Variants in ZNF438 observed in about 807,000 individuals in gnomAD.
ZNF438 encodes zinc finger protein 438.
A neutral mutation model predicts 38.0 loss-of-function variants in ZNF438; 25 were observed. The ratio of observed to expected loss-of-function variants is 0.66; its 90% CI spans 0.48 to 0.92. The LOEUF is 0.92. ZNF438 is among the 40% of genes least tolerant of loss of function. The probability of loss-of-function intolerance (pLI) is 0.00; values close to 1 mark genes in which losing one functional copy is unlikely to be tolerated. For synonymous variants in ZNF438, 372 were observed against 364.1 expected, an observed-to-expected ratio of 1.02 and a Z score of -0.25; for missense variants, 1,007 against 999.6, an observed-to-expected ratio of 1.01 and a Z score of -0.10.
chr10:30,882,384 A>C (rs1436366718), intron 3 of ZNF438, among the ~76,000 whole-genome samples: 1 of 152,186 alleles, frequency 6.6e-6, no homozygotes, highest in African/African-American at 2.4e-5. Flanking sequence ...ACAAAAGCAA[A>C]TGTCTATACA....
At chr10:30,854,527 C>T (rs535032093) in intron 4 of ZNF438, among the ~76,000 whole-genome samples, 1 of 151,956 alleles carries the variant, frequency 6.6e-6, no homozygotes, top group Admixed American at 6.5e-5. Flanking sequence ...ATTTTGTAAA[C>T]AGTGGGGAAA....
intron 3 of ZNF438, among the ~76,000 whole-genome samples, chr10:30,905,211 C>CA (rs1474586524): frequency 3.4e-4 from 52 of 152,172 alleles, no homozygotes; most frequent in Admixed American, 2.7e-3. Context: ...GTTTTCCGAA[C>CA]AAATTTTCCA....
At chr10:30,980,617 T>C (rs894056170) in intron 1 of ZNF438, among the ~76,000 whole-genome samples, 1 of 152,198 alleles carries the variant, frequency 6.6e-6, no homozygotes, top group Non-Finnish European at 1.5e-5. Context: ...AATGGAGATG[T>C]TGAAAAGACA....
At chr10:30,876,631 ATTC>A (rs1354232578) in intron 4 of ZNF438, among the ~76,000 whole-genome samples, 1 of 152,160 alleles carries the variant, frequency 6.6e-6, no homozygotes, top group Non-Finnish European at 1.5e-5. Flanking sequence ...ATATGCATAT[ATTC>A]TTCTACTCAC....
In ZNF438 at chr10:30,856,238, A is replaced by G. The variant is rs138000494; in HGVS notation, c.38-5871T>C. ...GCATAACTATCCACCAAAGTTAAGC[A>G]CTGAGAAGTATTAGAGCTCATTACC... On this transcript the variant is annotated intron_variant, in intron 4 of 5. Coordinates refer to ENST00000413025, the Ensembl canonical transcript of ZNF438. 3.3e-4 allele frequency among the ~76,000 whole-genome samples: 51 copies of G among 152,332 alleles called. 1 individual carries two copies. In the East Asian group the frequency reaches 9.7e-3, roughly 29 times the overall value.
chr10:30,981,825 C>T lies in ZNF438; in HGVS notation c.-191-40174G>A, dbSNP rs1299185616. Among the ~76,000 whole-genome samples, 3 of 151,590 alleles carry T rather than the reference C, an allele frequency of 2.0e-5. No homozygotes were observed. The East Asian group carries it at 5.9e-4, about 30-fold the overall frequency. ...CCCGGGAGGTGGAGGTTGCAGCAAGCCGAGATTGTGCCATTGCACGCCAGC... is the reference window on the plus strand; with the variant it reads ...CCCGGGAGGTGGAGGTTGCAGCAAGTCGAGATTGTGCCATTGCACGCCAGC... On this transcript the variant is annotated intron_variant, in intron 1 of 5. Coordinates refer to ENST00000413025, the Ensembl canonical transcript of ZNF438.
intron 3 of ZNF438, among the ~76,000 whole-genome samples, chr10:30,879,080 G>T (rs547691969): frequency 6.6e-6 from 1 of 152,240 alleles, no homozygotes; most frequent in South Asian, 2.1e-4. Flanking sequence ...CAACAGAGAG[G>T]GTCCTCGCTG....
chr10:31,029,568 C>T (rs193155705), intron 1 of ZNF438, among the ~76,000 whole-genome samples: 5 of 152,296 alleles, frequency 3.3e-5, no homozygotes, highest in Admixed American at 1.3e-4. Flanking sequence ...CACAACTAAC[C>T]TCCCCCAGCC....
At chr10:30,958,315 A>G (rs1323253912) in intron 1 of ZNF438, among the ~76,000 whole-genome samples, 1 of 147,166 alleles carries the variant, frequency 6.8e-6, no homozygotes, top group Non-Finnish European at 1.5e-5. Flanking sequence ...ACTGCACTAT[A>G]ACAAAAAGAA....
intron 1 of ZNF438, among the ~76,000 whole-genome samples, chr10:30,989,735 A>G (rs1270228349): frequency 6.6e-6 from 1 of 152,254 alleles, no homozygotes; most frequent in East Asian, 1.9e-4. Context: ...ATGAAAATAC[A>G]TAATTGTAGG....
intron 3 of ZNF438, among the ~76,000 whole-genome samples, chr10:30,900,067 C>G (rs1435963352): frequency 1.3e-5 from 2 of 151,944 alleles, no homozygotes; most frequent in East Asian, 3.8e-4. Context: ...TTTTGTGGAC[C>G]CTACCATCTG....
chr10:30,951,629 T>C, intron 1 of ZNF438, among the ~76,000 whole-genome samples: 1 of 152,142 alleles, frequency 6.6e-6, no homozygotes, highest in Non-Finnish European at 1.5e-5. Flanking sequence ...AGCCAAATCA[T>C]GAGTGAACGC....
intron 1 of ZNF438, among the ~76,000 whole-genome samples, chr10:31,022,530 GGAT>G (rs1419425098): frequency 6.6e-6 from 1 of 152,064 alleles, no homozygotes; most frequent in Non-Finnish European, 1.5e-5. Context: ...CAAAGTGCTG[GGAT>G]TACAGGCGTG....
intron 1 of ZNF438, among the ~76,000 whole-genome samples, chr10:31,005,258 T>C (rs953050182): frequency 6.6e-6 from 1 of 152,228 alleles, no homozygotes; most frequent in African/African-American, 2.4e-5. Flanking sequence ...CTGTGAGTTA[T>C]GTGTGTGTAC....
chr10:30,918,243 G>A (rs923742189), intron 2 of ZNF438, among the ~76,000 whole-genome samples: 5 of 152,134 alleles, frequency 3.3e-5, no homozygotes, highest in Non-Finnish European at 5.9e-5. Context: ...TTTAAGATTC[G>A]TCAGATTTTC....
At chr10:30,934,269 G>T (rs550939471) in intron 2 of ZNF438, among the ~76,000 whole-genome samples, 1 of 152,130 alleles carries the variant, frequency 6.6e-6, no homozygotes, top group African/African-American at 2.4e-5. Flanking sequence ...AGCCCAAATG[G>T]GTGCACTCTC....
intron 1 of ZNF438, among the ~76,000 whole-genome samples, chr10:30,945,558 C>T (rs1374309246): frequency 1.3e-5 from 2 of 151,050 alleles, no homozygotes; most frequent in South Asian, 2.1e-4. Flanking sequence ...CCCTCTACCC[C>T]CACCACACAA....
chr10:30,860,047 CA>C (rs1208314600), intron 4 of ZNF438, among the ~76,000 whole-genome samples: 3 of 151,998 alleles, frequency 2.0e-5, no homozygotes, highest in African/African-American at 7.3e-5. Flanking sequence ...CCCTCTTCCC[CA>C]AGGTGAGTCA....
At position 30,983,586 on chromosome 10, in the gene ZNF438, G is replaced by A. The variant is rs143435229; in HGVS notation, c.-191-41935C>T. ...GAAATTACAATTTGACATGAGATTT[G>A]GGCAGGGACACAAATCCAAAGCATA... On this transcript the variant is annotated intron_variant, in intron 1 of 5. Coordinates refer to ENST00000413025, the Ensembl canonical transcript of ZNF438. Among the ~76,000 whole-genome samples, 616 of 152,154 alleles carry A rather than the reference G, an allele frequency of 4.0e-3. 7 individuals are homozygous for A. The highest frequency in any genetic ancestry group is 0.014 in the African/African-American group (578 of 41,510).
Sources: gnomAD v4.1 joint callset for allele counts (sites outside exome capture counted in the v4.1 genomes callset) on GRCh38, gnomAD v4.1.1 for gene constraint, MANE v1.5 for transcripts, NCBI Gene and HGNC (gene_info 2026-07-23, HGNC 2026-07-21) for gene names.